Variants in EPB41L2 observed in about 807,000 individuals in gnomAD.
EPB41L2 encodes band 4.1-like protein 2.
EPB41L2 carries 43 observed loss-of-function variants against 113.0 expected under a neutral mutation model. The observed-to-expected ratio is 0.38, with a 90% CI of 0.30 to 0.49. EPB41L2 has a LOEUF of 0.49. EPB41L2 is among the 20% of genes least tolerant of loss of function. The pLI, the probability that EPB41L2 is intolerant of heterozygous loss-of-function variation, is 0.95. For missense variants in EPB41L2, 1,147 were observed against 1,223.4 expected, an observed-to-expected ratio of 0.94 and a Z score of 0.93; for synonymous variants, 442 against 436.7, an observed-to-expected ratio of 1.01 and a Z score of -0.15.
At chr6:131,044,232 C>T (rs1040271692) in intron 1 of EPB41L2, among the ~76,000 whole-genome samples, 2 of 151,506 alleles carry the variant, frequency 1.3e-5, no homozygotes, top group Non-Finnish European at 2.9e-5. Context: ...CACCATGTTG[C>T]CCCGGCTGGT....
At chr6:130,880,685 T>C in intron 12 of EPB41L2, 1 of 410,970 alleles carries the variant, frequency 2.4e-6, no homozygotes, top group Non-Finnish European at 4.3e-6. Context: ...ATGATGGAAA[T>C]GATCCTTTGC....
intron 1 of EPB41L2, among the ~76,000 whole-genome samples, chr6:131,019,548 T>G (rs1041394321): frequency 6.6e-6 from 1 of 152,202 alleles, no homozygotes; most frequent in Non-Finnish European, 1.5e-5. Context: ...TTCAAAGACA[T>G]TATTTAGCAT....
At position 130,871,605 on chromosome 6, in the gene EPB41L2, A is replaced by T. The variant is rs76450789; in HGVS notation, c.2044-1479T>A. ...AACGTCTACTCACAAACTCTCTTGG[A>T]CCTGCCCTATTATTCTTAAACACAT... On this transcript the variant is annotated intron_variant, in intron 14 of 19. Transcript: ENST00000337057. 0.02 allele frequency among the ~76,000 whole-genome samples: 3,017 copies of T among 152,288 alleles called. 190 individuals are homozygous for T. The East Asian group carries it at 0.26, about 13-fold the overall frequency.
At chr6:130,953,781 C>A (rs1027669305) in intron 3 of EPB41L2, among the ~76,000 whole-genome samples, 2 of 151,930 alleles carry the variant, frequency 1.3e-5, no homozygotes, top group South Asian at 4.2e-4. Flanking sequence ...GTCCTTCCAT[C>A]AGGTGAGGAC....
At chr6:130,980,068 T>A (rs1301057439) in intron 1 of EPB41L2, among the ~76,000 whole-genome samples, 1 of 152,080 alleles carries the variant, frequency 6.6e-6, no homozygotes, top group East Asian at 1.9e-4. Context: ...CGGGGAGGCA[T>A]GACCAACAGG....
chr6:130,893,239 G>A (rs1361384574), intron 10 of EPB41L2, among the ~76,000 whole-genome samples: 1 of 152,096 alleles, frequency 6.6e-6, no homozygotes, highest in Non-Finnish European at 1.5e-5. Context: ...ACCCACTAGG[G>A]AACAAATAAT....
At chr6:130,908,159 A>C (rs541032497) in intron 5 of EPB41L2, among the ~76,000 whole-genome samples, 1 of 152,356 alleles carries the variant, frequency 6.6e-6, no homozygotes, top group South Asian at 2.1e-4. Flanking sequence ...CTGCAGAGGC[A>C]GAACGTATAG....
At chr6:131,049,600 T>C (rs1796141959) in intron 1 of EPB41L2, among the ~76,000 whole-genome samples, 1 of 152,210 alleles carries the variant, frequency 6.6e-6, no homozygotes, top group Non-Finnish European at 1.5e-5. Flanking sequence ...ATAATAAAAA[T>C]GGTCCCCAAA....
intron 19 of EPB41L2, among the ~76,000 whole-genome samples, chr6:130,846,784 A>G (rs1372876369): frequency 3.9e-5 from 6 of 152,160 alleles, no homozygotes; most frequent in Non-Finnish European, 8.8e-5. Flanking sequence ...TGCTAATATA[A>G]CTTTACTTCA....
intron 19 of EPB41L2, among the ~76,000 whole-genome samples, chr6:130,853,256 T>C (rs933848133): frequency 6.6e-6 from 1 of 152,156 alleles, no homozygotes; most frequent in Admixed American, 6.5e-5. Context: ...TCATTCACTT[T>C]TTTACCTGAC....
Position 130,869,759 on chromosome 6 carries a change from C to T in EPB41L2, c.2411G>A (p.Gly804Asp), listed in dbSNP as rs1448181610. 6.2e-7 allele frequency: 1 copy of T among 1,614,140 alleles called. No individual in the cohort carries two copies. The highest frequency in any genetic ancestry group is 1.3e-5 in the African/African-American group (1 of 75,012). The change falls in exon 15 of 20, where the codon GGT becomes GAT. Residue 804 changes from glycine to aspartate, a missense_variant. Gly to Asp is a moderately conservative substitution (Grantham distance 94). Transcript: ENST00000337057. The part of the protein sequence containing the change: ...VPEASPVTQA[G>D]ASVITVETVI... Reference sequence around the variant, plus strand: ...TGTTTCTACTGTGATTACACTGGCACCTGCTTGTGTGACTGGGCTGGCTTC... The same window carrying T: ...TGTTTCTACTGTGATTACACTGGCATCTGCTTGTGTGACTGGGCTGGCTTC...
At chr6:130,896,082 A>G (rs1455401373) in intron 8 of EPB41L2, among the ~76,000 whole-genome samples, 2 of 152,232 alleles carry the variant, frequency 1.3e-5, no homozygotes, top group Non-Finnish European at 2.9e-5. Context: ...ATGTTGCAAC[A>G]AACCCCATAT....
At chr6:130,908,893 G>A in intron 4 of EPB41L2, 30 bp from the exon 5 acceptor site, 1 of 1,536,578 alleles carries the variant, frequency 6.5e-7, no homozygotes. Flanking sequence ...TAATTCATAA[G>A]AAATATTCTA....
In EPB41L2 at chr6:130,894,973, C is replaced by T. The variant is rs531092647; in HGVS notation, c.1383G>A (p.Pro461=). The change falls in exon 9 of 20, where the codon CCG becomes CCA. Residue 461 remains proline (P), a synonymous_variant. Transcript: ENST00000337057. ...KRSNFYIKVR[P]AELEQFESTI... ...TAGAAATGTCTTGGCTTACCTCTGC[C>T]GGTCTGACTTTAATGTAGAAGTTAC... 1.5e-4 allele frequency: 237 copies of T among 1,612,568 alleles called. 4 individuals are homozygous for T. In the South Asian group the frequency reaches 2.4e-3, roughly 17 times the overall value.
intron 17 of EPB41L2, among the ~76,000 whole-genome samples, chr6:130,864,988 G>A (rs1295450458): frequency 6.6e-6 from 1 of 152,190 alleles, no homozygotes; most frequent in Non-Finnish European, 1.5e-5. Flanking sequence ...CTGGAGTGGG[G>A]CCACGCTATT....
intron 9 of EPB41L2, among the ~76,000 whole-genome samples, 176 bp downstream of exon 9, chr6:130,894,791 A>C (rs1487795073): frequency 6.6e-6 from 1 of 152,216 alleles, no homozygotes; most frequent in Non-Finnish European, 1.5e-5. Context: ...GCTTTTTTTA[A>C]AAACAGACCA....
intron 12 of EPB41L2, among the ~76,000 whole-genome samples, chr6:130,883,770 T>C (rs1219406357): frequency 6.6e-6 from 1 of 152,192 alleles, no homozygotes; most frequent in Non-Finnish European, 1.5e-5. Flanking sequence ...ATTTCTGTTA[T>C]TTTTATCTGA....
chr6:130,886,823 T>C (rs1791160334), intron 11 of EPB41L2, among the ~76,000 whole-genome samples: 2 of 152,052 alleles, frequency 1.3e-5, no homozygotes, highest in African/African-American at 4.8e-5. Context: ...TTAGTAGAGA[T>C]GGGGTTTCAC....
chr6:130,874,081 A>C (rs142974283), intron 14 of EPB41L2, among the ~76,000 whole-genome samples: 1 of 152,172 alleles, frequency 6.6e-6, no homozygotes. Context: ...CTCAATGTAC[A>C]TAATCTCTTA....
Sources: gnomAD v4.1 joint callset for allele counts (sites outside exome capture counted in the v4.1 genomes callset) on GRCh38, gnomAD v4.1.1 for gene constraint, MANE v1.5 for transcripts, NCBI Gene and HGNC (gene_info 2026-07-23, HGNC 2026-07-21) for gene names.